Variants in SLC35F4 observed in about 807,000 individuals in gnomAD.
The protein encoded by SLC35F4 is solute carrier family 35 member F4.
In SLC35F4, 24 loss-of-function variants were observed where a neutral mutation model predicts 44.2. The ratio of observed to expected loss-of-function variants is 0.54; its 90% CI spans 0.39 to 0.76. SLC35F4 has a LOEUF of 0.76. Among genes scored for constraint, SLC35F4 ranks in the 30% least tolerant of loss-of-function variants. SLC35F4 has a pLI of 0.00. For missense variants in SLC35F4, 562 were observed against 586.1 expected (o/e 0.96, Z 0.42); for synonymous variants, 238 against 223.6 (o/e 1.06, Z -0.57).
chr14:57,834,855 C>T (rs982223376), intron 1 of SLC35F4, among the ~76,000 whole-genome samples: 2 of 152,148 alleles, frequency 1.3e-5, no homozygotes, highest in East Asian at 3.9e-4. Context: ...ATGGCGAAAC[C>T]CCATCTCTAC....
chr14:57,667,134 C>A (rs2074336692), intron 1 of SLC35F4, among the ~76,000 whole-genome samples: 1 of 150,554 alleles, frequency 6.6e-6, no homozygotes, highest in Non-Finnish European at 1.5e-5. Flanking sequence ...ATCACCACTA[C>A]TATACCCACT....
chr14:57,890,198 T>C (rs2082390750), intron 1 of SLC35F4, among the ~76,000 whole-genome samples: 1 of 152,168 alleles, frequency 6.6e-6, no homozygotes. Flanking sequence ...ACTGGTCCAA[T>C]ACTGATGGGC....
intron 1 of SLC35F4, among the ~76,000 whole-genome samples, chr14:57,601,498 C>T (rs1025636205): frequency 9.2e-5 from 14 of 152,192 alleles, no homozygotes; most frequent in African/African-American, 3.1e-4. Flanking sequence ...ATGTCTATTG[C>T]TGCCATCTTT....
chr14:57,612,757 G>A (rs540095320), intron 1 of SLC35F4, among the ~76,000 whole-genome samples: 4 of 152,128 alleles, frequency 2.6e-5, no homozygotes, highest in South Asian at 2.1e-4. Flanking sequence ...CTCCAACTAC[G>A]CATGCTCAAG....
intron 1 of SLC35F4, among the ~76,000 whole-genome samples, chr14:57,941,316 T>C (rs1889912562): frequency 6.6e-6 from 1 of 152,096 alleles, no homozygotes; most frequent in Non-Finnish European, 1.5e-5. Flanking sequence ...ATGGCTAAAT[T>C]ATGGCATGTA....
rs1432658229 is a variant in SLC35F4, at chr14:57,608,802, G to C, written c.104-14678C>G. 2.7e-5 allele frequency among the ~76,000 whole-genome samples: 3 copies of C among 109,978 alleles called. 1 individual carries two copies. The highest frequency in any genetic ancestry group is 9.9e-5 in the African/African-American group (3 of 30,406). The allele number at this position is 109,978 out of a possible 152,430, so 72.1% of individuals were successfully genotyped here. A position where few individuals can be genotyped will look rare whatever the true frequency, so the allele number is the denominator to read the frequency against. On this transcript the variant is annotated intron_variant, in intron 1 of 7. Coordinates refer to ENST00000556826, the MANE Select transcript of SLC35F4 (RefSeq NM_001306087.2). The stretch of plus-strand genomic sequence containing the variant: ...AAAAGATGGCCGGGGGGGGGCGGCG[G>C]GGGGAGAGAAACAGGAAATTATAAC...
At chr14:57,775,225 C>T (rs2140707468) in intron 1 of SLC35F4, among the ~76,000 whole-genome samples, 1 of 152,368 alleles carries the variant, frequency 6.6e-6, no homozygotes, top group East Asian at 1.9e-4. Context: ...ACCACCACTG[C>T]TGGGAACACC....
At chr14:57,612,245 C>T (rs762179411) in intron 1 of SLC35F4, among the ~76,000 whole-genome samples, 1 of 151,726 alleles carries the variant, frequency 6.6e-6, no homozygotes. Context: ...AGTGAGATCC[C>T]GTCTCTAAAA....
chr14:57,616,140 T>C (rs1424586334), intron 1 of SLC35F4, among the ~76,000 whole-genome samples: 3 of 152,226 alleles, frequency 2.0e-5, no homozygotes, highest in African/African-American at 7.2e-5. Flanking sequence ...CATATGGTTG[T>C]TCAACCATTA....
At chr14:57,758,770 A>C (rs2140609529) in intron 1 of SLC35F4, among the ~76,000 whole-genome samples, 1 of 152,284 alleles carries the variant, frequency 6.6e-6, no homozygotes, top group Non-Finnish European at 1.5e-5. Flanking sequence ...AAAACCCTTA[A>C]CATGAGATAT....
intron 1 of SLC35F4, among the ~76,000 whole-genome samples, chr14:57,882,778 G>C (rs1385193751): frequency 1.3e-5 from 2 of 152,092 alleles, no homozygotes; most frequent in Admixed American, 1.3e-4. Flanking sequence ...TTAAGAATGT[G>C]ACAGATTAAT....
chr14:57,602,252 G>A (rs1055321873), intron 1 of SLC35F4: 1 of 152,272 alleles, frequency 6.6e-6, no homozygotes, highest in South Asian at 2.1e-4. Context: ...GAGAGCCTAG[G>A]GCAGCTTCCA....
At chr14:57,589,061 G>A (rs1317510069) in intron 3 of SLC35F4, among the ~76,000 whole-genome samples, 155 bp downstream of exon 3, 2 of 152,112 alleles carry the variant, frequency 1.3e-5, no homozygotes, top group Non-Finnish European at 2.9e-5. Context: ...TTTTAAGGGA[G>A]GACTGATTCT....
At chr14:57,791,947 C>A (rs1054398817) in intron 1 of SLC35F4, among the ~76,000 whole-genome samples, 1 of 150,756 alleles carries the variant, frequency 6.6e-6, no homozygotes, top group African/African-American at 2.4e-5. Context: ...GGGAACATCA[C>A]ACACTGGGGC....
At chr14:57,946,979 T>C (rs1594644889) in intron 1 of SLC35F4, among the ~76,000 whole-genome samples, 1 of 152,176 alleles carries the variant, frequency 6.6e-6, no homozygotes, top group Non-Finnish European at 1.5e-5. Flanking sequence ...TTTGGTTCCA[T>C]GTGAATTTTA....
rs138100692 is a variant in SLC35F4 at position 57,715,768 on chromosome 14, G to A, written c.104-121644C>T. Reference sequence around the variant, plus strand: ...GACTGGGAAGGGAGGATATGAATCAGTTCCCAGTATTTCAGACAATAGGAG... The same window carrying A: ...GACTGGGAAGGGAGGATATGAATCAATTCCCAGTATTTCAGACAATAGGAG... On this transcript the variant is annotated intron_variant, in intron 1 of 7. Coordinates refer to ENST00000556826, the MANE Select transcript of SLC35F4 (RefSeq NM_001306087.2). Among the ~76,000 whole-genome samples, 237 of 152,304 alleles carry A rather than the reference G, an allele frequency of 1.6e-3. 1 individual carries two copies. The highest frequency in any genetic ancestry group is 6.8e-3 in the Middle Eastern group (2 of 294).
At chr14:57,604,829 C>T (rs1357247720) in intron 1 of SLC35F4, among the ~76,000 whole-genome samples, 2 of 152,102 alleles carry the variant, frequency 1.3e-5, no homozygotes, top group Non-Finnish European at 2.9e-5. Context: ...TGATCTTTCA[C>T]AAAATTGACA....
chr14:57,931,643 CT>C (rs1008774335), intron 1 of SLC35F4, among the ~76,000 whole-genome samples: 1 of 152,222 alleles, frequency 6.6e-6, no homozygotes, highest in Non-Finnish European at 1.5e-5. Context: ...CCATCCTCCC[CT>C]TTGAACATTA....
chr14:57,672,789 T>G (rs899397159), intron 1 of SLC35F4, among the ~76,000 whole-genome samples: 2 of 152,100 alleles, frequency 1.3e-5, no homozygotes, highest in Middle Eastern at 3.4e-3. Context: ...TTTTATTTTT[T>G]TTTTTTCACT....
Sources: gnomAD v4.1 joint callset for allele counts (sites outside exome capture counted in the v4.1 genomes callset) on GRCh38, gnomAD v4.1.1 for gene constraint, MANE v1.5 for transcripts, NCBI Gene and HGNC (gene_info 2026-07-23, HGNC 2026-07-21) for gene names.